The following PTPRN2 variants were observed in gnomAD, a reference collection of about 807,000 sequenced individuals.
The protein encoded by PTPRN2 is receptor-type tyrosine-protein phosphatase N2.
PTPRN2 carries 74 observed loss-of-function variants against 118.8 expected under a neutral mutation model. The ratio of observed to expected loss-of-function variants is 0.62; its 90% CI spans 0.52 to 0.76. The LOEUF (loss-of-function observed/expected upper bound fraction) is 0.76. PTPRN2 is among the 30% of genes least tolerant of loss of function. The pLI is 0.00. For missense variants in PTPRN2, 1,481 were observed against 1,394.4 expected (o/e 1.06, Z -0.99); for synonymous variants, 641 against 608.0 (o/e 1.05, Z -0.80).
intron 13 of PTPRN2, among the ~76,000 whole-genome samples, chr7:157,665,459 C>T (rs1796090971): frequency 6.6e-6 from 1 of 152,232 alleles, no homozygotes; most frequent in Non-Finnish European, 1.5e-5. Context: ...CTTGCGAATT[C>T]CCTCCCCACT....
intron 6 of PTPRN2, among the ~76,000 whole-genome samples, chr7:158,140,521 G>C (rs1819273587): frequency 6.6e-6 from 1 of 152,200 alleles, no homozygotes; most frequent in Admixed American, 6.5e-5. Context: ...GAGCCAGAAG[G>C]AACCACAGAG....
At chr7:158,363,521 A>C (rs1399509705) in intron 2 of PTPRN2, among the ~76,000 whole-genome samples, 1 of 152,204 alleles carries the variant, frequency 6.6e-6, no homozygotes, top group African/African-American at 2.4e-5. Context: ...ATTCCTGGTG[A>C]GCGCTTTCCT....
intron 12 of PTPRN2, among the ~76,000 whole-genome samples, chr7:157,888,118 G>A (rs950676789): frequency 4.0e-5 from 6 of 151,754 alleles, no homozygotes; most frequent in African/African-American, 1.2e-4. Flanking sequence ...GCTCACGGAC[G>A]GTCTGAGATT....
chr7:158,569,727 G>A (rs1439031479), intron 1 of PTPRN2, among the ~76,000 whole-genome samples: 2 of 4,456 alleles, frequency 4.5e-4, no homozygotes, highest in African/African-American at 5.7e-4. Context: ...GAGGCCGCCT[G>A]ACTGACAGGA....
In PTPRN2 at chr7:157,648,745, C is replaced by T. The variant is rs545910114; in HGVS notation, c.2196+7612G>A. The stretch of plus-strand genomic sequence containing the variant: ...CTGAACTCGGTGGGTCGGACCCATC[C>T]AGTGTGCACTGAACTCGGTGGGTCG... On this transcript the variant is annotated intron_variant, in intron 14 of 22. Coordinates refer to ENST00000389418, the MANE Select transcript of PTPRN2 (RefSeq NM_002847.5). 2.0e-3 allele frequency among the ~76,000 whole-genome samples: 300 copies of T among 146,500 alleles called. 2 individuals are homozygous for T. Among genetic ancestry groups the T allele is most frequent in the African/African-American group, 5.9e-3 (237 of 39,854 alleles).
rs1335796536 is a variant in PTPRN2, at chr7:158,425,277, G to C, written c.163+64458C>G. On this transcript the variant is annotated intron_variant, in intron 2 of 22. Transcript: ENST00000389418. ...GGGAAAGACGCGGGGTCCGAGACCA[G>C]CCTAGCTGAGGCCTGCGCACCGCCG... Among the ~76,000 whole-genome samples, 14 of 11,034 alleles carry C rather than the reference G, an allele frequency of 1.3e-3. 3 individuals are homozygous for C. Among genetic ancestry groups the C allele is most frequent in the East Asian group, 5.5e-3 (2 of 362 alleles). 7.2% of individuals were successfully genotyped at this position (11,034 alleles called of 152,430 possible).
At chr7:158,336,379 ATG>A (rs1805532911) in intron 2 of PTPRN2, among the ~76,000 whole-genome samples, 8 of 46,994 alleles carry the variant, frequency 1.7e-4, no homozygotes, top group African/African-American at 7.9e-4. Context: ...GAGCTGACAC[ATG>A]CAGACGTCAC....
At chr7:158,586,957 G>C (rs1357735595) in intron 1 of PTPRN2, among the ~76,000 whole-genome samples, 1 of 152,086 alleles carries the variant, frequency 6.6e-6, no homozygotes, top group African/African-American at 2.4e-5. Flanking sequence ...AGGCGGCGCC[G>C]GGGAGGAAAC....
chr7:157,577,106 A>G (rs989086619), intron 18 of PTPRN2, among the ~76,000 whole-genome samples: 3 of 152,256 alleles, frequency 2.0e-5, no homozygotes, highest in African/African-American at 7.2e-5. Context: ...CCTCAAAAAA[A>G]GGAACCAGAG....
At chr7:158,406,250 C>T (rs540712311) in intron 2 of PTPRN2, among the ~76,000 whole-genome samples, 23 of 139,844 alleles carry the variant, frequency 1.6e-4, no homozygotes, top group Admixed American at 1.5e-3. Context: ...ATCCCGGTGG[C>T]TCATCCGTGA....
In PTPRN2 at chr7:157,560,664, G is replaced by A. The variant is rs143767849; in HGVS notation, c.2902+8238C>T. On this transcript the variant is annotated intron_variant, in intron 21 of 22. Transcript: ENST00000389418. The surrounding 1 kb of genome is among the most constrained non-coding windows in gnomAD (Gnocchi z 6.7). ...GAGGAGGCCCTGCTCCTGCCCGACC[G>A]AAGGCAACTTCTCCCTTGAAGAGAA... Among the ~76,000 whole-genome samples the A allele has an allele frequency of 3.5e-4, 54 of 152,226 alleles. No homozygotes were observed. The highest frequency in any genetic ancestry group is 9.9e-4 in the African/African-American group (41 of 41,554).
intron 11 of PTPRN2, among the ~76,000 whole-genome samples, chr7:157,947,324 T>C (rs1800549862): frequency 6.6e-6 from 1 of 152,250 alleles, no homozygotes; most frequent in African/African-American, 2.4e-5. Flanking sequence ...TGTAGTCTAA[T>C]TTTAAAAATC....
intron 10 of PTPRN2, among the ~76,000 whole-genome samples, chr7:158,084,030 C>T (rs766699123): frequency 5.3e-5 from 8 of 150,622 alleles, no homozygotes; most frequent in Non-Finnish European, 1.0e-4. Flanking sequence ...TGGGCCCTTC[C>T]GCTGGGCCTC....
At chr7:158,147,619 C>T (rs1278096991) in intron 6 of PTPRN2, among the ~76,000 whole-genome samples, 9 of 123,386 alleles carry the variant, frequency 7.3e-5, no homozygotes, top group South Asian at 2.7e-4. Flanking sequence ...CATCTCACGC[C>T]ACGTGTCTTT....
chr7:157,724,847 T>A (rs1284074726), intron 12 of PTPRN2, among the ~76,000 whole-genome samples: 1 of 152,242 alleles, frequency 6.6e-6, no homozygotes, highest in African/African-American at 2.4e-5. Flanking sequence ...TTGTTGAGTC[T>A]GCTTTCCATG....
intron 1 of PTPRN2, among the ~76,000 whole-genome samples, chr7:158,524,416 A>AGTC (rs201747379): frequency 8.0e-6 from 1 of 125,680 alleles, no homozygotes; most frequent in Non-Finnish European, 1.6e-5. Flanking sequence ...CCTGGAGCGG[A>AGTC]GTCTGCCCTG....
rs1372987306 is a variant in PTPRN2, at chr7:157,690,038, A to C, written c.1789-7101T>G. On this transcript the variant is annotated intron_variant, in intron 12 of 22. Coordinates refer to ENST00000389418, the MANE Select transcript of PTPRN2 (RefSeq NM_002847.5). This position sits in a 1 kb window ranked among gnomAD's most constrained non-coding sequence, Gnocchi z 7.1. ...CCCATCTCCGTGCCTGCACCCCCCC[A>C]CCCCCAGCACCCTGCAATGGTCGGA... 5.3e-5 allele frequency among the ~76,000 whole-genome samples: 8 copies of C among 150,328 alleles called. No individual in the cohort carries two copies. Among genetic ancestry groups the C allele is most frequent in the Non-Finnish European group, 1.0e-4 (7 of 67,516 alleles).
At chr7:158,404,681 C>T (rs1412635160) in intron 2 of PTPRN2, among the ~76,000 whole-genome samples, 21 of 150,296 alleles carry the variant, frequency 1.4e-4, no homozygotes, top group African/African-American at 5.2e-4. Context: ...CCCCCAGCTC[C>T]TTGGCCTCAG....
intron 1 of PTPRN2, among the ~76,000 whole-genome samples, chr7:158,495,047 C>A (rs1463103798): frequency 2.0e-5 from 3 of 152,066 alleles, no homozygotes; most frequent in Non-Finnish European, 2.9e-5. Context: ...TTAAAAAAAA[C>A]CATGCCAGCA....
Sources: allele counts gnomAD v4.1 joint callset (sites outside exome capture counted in the v4.1 genomes callset), GRCh38; gene constraint gnomAD v4.1.1; non-coding constraint Gnocchi (gnomAD v3.1); transcripts MANE v1.5; gene names NCBI Gene and HGNC (gene_info 2026-07-23, HGNC 2026-07-21).